DNAH14: variants seen among roughly 807,000 people sequenced by gnomAD.
DNAH14 encodes the protein dynein axonemal heavy chain 14.
In DNAH14, 478 loss-of-function variants were observed where a neutral mutation model predicts 520.9. The observed-to-expected ratio is 0.92, with a 90% CI of 0.85 to 0.99. DNAH14 has a LOEUF of 0.99. Among genes scored for constraint, DNAH14 ranks in the 50% least tolerant of loss-of-function variants. The probability of loss-of-function intolerance (pLI) is 0.00; values close to 1 mark genes in which losing one functional copy is unlikely to be tolerated. For missense variants in DNAH14, 4,831 were observed against 5,234.5 expected, an observed-to-expected ratio of 0.92 and a Z score of 2.38; for synonymous variants, 1,581 against 1,757.2, an observed-to-expected ratio of 0.90 and a Z score of 2.51.
At chr1:225,017,475 G>A (rs1394805589) in intron 10 of DNAH14, among the ~76,000 whole-genome samples, 1 of 152,312 alleles carries the variant, frequency 6.6e-6, no homozygotes, top group East Asian at 1.9e-4. Flanking sequence ...TTTGCTGGCA[G>A]CCCCCTGCCA....
chr1:225,062,391 A>G (rs971095740), intron 17 of DNAH14, among the ~76,000 whole-genome samples: 2 of 152,188 alleles, frequency 1.3e-5, no homozygotes, highest in African/African-American at 4.8e-5. Flanking sequence ...GTACAGGATT[A>G]TGATTCTTGA....
Position 225,020,496 on chromosome 1 carries a change from C to CAAAAAAAA in DNAH14, c.1108-3106_1108-3099dup, listed in dbSNP as rs57945282. Among the ~76,000 whole-genome samples, 8 of 57,528 alleles carry CAAAAAAAA rather than the reference C, an allele frequency of 1.4e-4. 1 individual carries two copies. The highest frequency in any genetic ancestry group is 1.5e-3 in the East Asian group (2 of 1,356). 37.7% of individuals were successfully genotyped at this position (57,528 alleles called of 152,430 possible). On this transcript the variant is annotated intron_variant, in intron 10 of 85. Coordinates refer to ENST00000682510, the MANE Select transcript of DNAH14 (RefSeq NM_001367479.1). ...TGGGTGACAGAGCAAGGCTCTGTCT[C>CAAAAAAAA]AAAAAAAAAAAAAAAAAAAACAACT...
rs781717749 is a variant in DNAH14 at position 225,178,011 on chromosome 1, C to T, written c.5536-7280C>T. 2.7e-4 allele frequency among the ~76,000 whole-genome samples: 41 copies of T among 152,164 alleles called. 1 individual carries two copies. Among genetic ancestry groups the T allele is most frequent in the Admixed American group, 2.3e-3 (35 of 15,280 alleles). On this transcript the variant is annotated intron_variant, in intron 36 of 85. Coordinates refer to ENST00000682510, the MANE Select transcript of DNAH14 (RefSeq NM_001367479.1). ...GAAAACAGCCAGAAAAGAGGCTGTACCCTGCAAAGCCACAGGGGCAGAGCT... is the reference window on the plus strand; with the variant it reads ...GAAAACAGCCAGAAAAGAGGCTGTATCCTGCAAAGCCACAGGGGCAGAGCT...
chr1:225,219,748 A>AT (rs1384090710), intron 41 of DNAH14, among the ~76,000 whole-genome samples: 5 of 152,184 alleles, frequency 3.3e-5, no homozygotes, highest in East Asian at 1.9e-4. Context: ...AGCTAGAACC[A>AT]TTTTTTTCTG....
chr1:225,025,565 C>T (rs1421031954), intron 11 of DNAH14, among the ~76,000 whole-genome samples: 4 of 151,188 alleles, frequency 2.6e-5, no homozygotes, highest in African/African-American at 7.3e-5. Context: ...AACCCCATCT[C>T]TACAAAAACA....
chr1:225,266,758 A>C lies in DNAH14; in HGVS notation c.7528A>C (p.Asn2510His), dbSNP rs1380981195. ...GGGAGGAGTTTATGATACTGAAAAA[A>C]ATACATGGAAGGTACAGTATATACT... ...DLGGVYDTEK[N>H]TWKNIQDLSI... is the part of the protein sequence containing the mutation. The change falls in exon 49 of 86, where the codon AAT (asparagine) becomes CAT (histidine). Residue 2510 changes from asparagine to histidine, a missense_variant. Coordinates refer to ENST00000682510, the MANE Select transcript of DNAH14 (RefSeq NM_001367479.1). 70 of 1,510,136 alleles carry C rather than the reference A, an allele frequency of 4.6e-5. No homozygotes were observed. The highest frequency in any genetic ancestry group is 5.5e-5 in the Non-Finnish European group (62 of 1,133,948). 93.5% of individuals were successfully genotyped at this position (1,510,136 alleles called of 1,614,324 possible). A position where few individuals can be genotyped will look rare whatever the true frequency, so the allele number is the denominator to read the frequency against.
At chr1:225,393,480 A>G (rs539137250) in intron 84 of DNAH14, among the ~76,000 whole-genome samples, 27 of 152,332 alleles carry the variant, frequency 1.8e-4, no homozygotes, top group African/African-American at 5.8e-4. Flanking sequence ...ACACATCTAT[A>G]CATAGAAATG....
Position 225,337,439 on chromosome 1 carries a change from C to T in DNAH14, c.10254C>T (p.Ser3418=), listed in dbSNP as rs1375846859. ...SRLQKLSIED[S]NYTKKIENAM... ...TGCAGAAGCTCTCCATTGAAGACAGCAATTATACCAAAAAAATTGAAAATG... is the reference window on the plus strand; with the variant it reads ...TGCAGAAGCTCTCCATTGAAGACAGTAATTATACCAAAAAAATTGAAAATG... Residue 3418 remains serine (S), a synonymous_variant, in exon 67 of 86, where the codon AGC becomes AGT. Transcript: ENST00000682510. 1 of 1,551,686 alleles carries T rather than the reference C, an allele frequency of 6.4e-7. No individual in the cohort carries two copies. The highest frequency in any genetic ancestry group is 1.2e-5 in the South Asian group (1 of 84,044).
At chr1:225,373,172 G>GAAAAAAAAAAAA (rs3075885) in intron 77 of DNAH14, among the ~76,000 whole-genome samples, 2 of 135,772 alleles carry the variant, frequency 1.5e-5, no homozygotes, top group Non-Finnish European at 3.1e-5. Context: ...AGCATTTGTG[G>GAAAAAAAAAAAA]AAAAAAAAAA....
chr1:225,226,727 CA>C (rs939965243), intron 41 of DNAH14, among the ~76,000 whole-genome samples: 6 of 152,148 alleles, frequency 3.9e-5, no homozygotes, highest in African/African-American at 7.2e-5. Flanking sequence ...GACCGGCGCT[CA>C]GCAAGTGAGG....
chr1:225,050,228 G>A lies in DNAH14; in HGVS notation c.1931G>A (p.Cys644Tyr). The change falls in exon 16 of 86, where the codon TGC becomes TAC. Residue 644 changes from cysteine (C) to tyrosine (Y), a missense_variant. By Grantham distance (194) the Cys-to-Tyr change is radical (BLOSUM62 -2). Coordinates refer to ENST00000682510, the MANE Select transcript of DNAH14 (RefSeq NM_001367479.1). ...ATTTTAGCCACAATTACTCCTCTTT[G>A]CCAAGATCCCCAGCTGTCTATCTTC... ...EKCITTITPL[C>Y]QDPQLSIFID... is the part of the protein sequence containing the mutation. The A allele has an allele frequency of 1.3e-6, 2 of 1,537,238 alleles. No individual in the cohort carries two copies. The highest frequency in any genetic ancestry group is 1.3e-5 in the South Asian group (1 of 79,386).
Position 225,228,590 on chromosome 1 carries a change from G to A in DNAH14, c.6440-2483G>A, listed in dbSNP as rs368705514. On this transcript the variant is annotated intron_variant, in intron 41 of 85. Transcript: ENST00000682510. ...ATGATGTGCAAGGACATCTCTCCTGGATAGACCCCCCACTCCTGGGGGGGG... is the reference window on the plus strand; with the variant it reads ...ATGATGTGCAAGGACATCTCTCCTGAATAGACCCCCCACTCCTGGGGGGGG... Among the ~76,000 whole-genome samples, 15 of 147,278 alleles carry A rather than the reference G, an allele frequency of 1.0e-4. No homozygotes were observed. The East Asian group carries it at 1.4e-3, about 14-fold the overall frequency.
chr1:225,182,654 G>C (rs975105895), intron 36 of DNAH14, among the ~76,000 whole-genome samples: 1 of 152,118 alleles, frequency 6.6e-6, no homozygotes, highest in African/African-American at 2.4e-5. Context: ...GAAAGATTCT[G>C]TCCACTTGAG....
At chr1:225,188,339 G>C (rs79892767) in intron 37 of DNAH14, among the ~76,000 whole-genome samples, 7,383 of 151,936 alleles carry the variant, frequency 0.049, 282 homozygotes, top group Non-Finnish European at 0.072. Context: ...ATCACAAGAA[G>C]AGTGAGTACA....
At chr1:225,089,089 T>C (rs1280887576) in intron 21 of DNAH14, among the ~76,000 whole-genome samples, 2 of 152,034 alleles carry the variant, frequency 1.3e-5, no homozygotes, top group Non-Finnish European at 2.9e-5. Context: ...GAGAAAGGAA[T>C]CCTCCCTAAC....
rs981337241 is a variant in DNAH14, at chr1:225,353,863, T to C, written c.11594T>C (p.Leu3865Pro). 4 of 1,499,268 alleles carry C rather than the reference T, an allele frequency of 2.7e-6. No homozygotes were observed. The African/African-American group carries it at 4.2e-5, about 16-fold the overall frequency. 92.9% of individuals were successfully genotyped at this position (1,499,268 alleles called of 1,614,324 possible). The change falls in exon 73 of 86, where the codon CTC becomes CCC. Residue 3865 changes from leucine to proline, a missense_variant. Leu to Pro is a moderately conservative substitution (Grantham distance 98). Coordinates refer to ENST00000682510, the MANE Select transcript of DNAH14 (RefSeq NM_001367479.1). ...CNPINFPWEK[L>P]TSFQRLILVK... is the part of the protein sequence containing the mutation. ...CCTATAAATTTTCCCTGGGAGAAAC[T>C]CACTTCATTTCAAAGACTTATTTTG... is the stretch of plus-strand genomic sequence containing the variant.
chr1:225,393,820 T>TTTG (rs1558623230), intron 84 of DNAH14, among the ~76,000 whole-genome samples: 80 of 146,784 alleles, frequency 5.5e-4, no homozygotes, highest in African/African-American at 1.7e-3. Flanking sequence ...TTTTGTTTTT[T>TTTG]TTTTGTTTTT....
intron 84 of DNAH14, among the ~76,000 whole-genome samples, chr1:225,394,920 A>G (rs545671569): frequency 1.1e-4 from 17 of 151,748 alleles, no homozygotes; most frequent in African/African-American, 4.1e-4. Context: ...CCATATGGGT[A>G]CCCACCTGAC....
chr1:225,086,326 G>A (rs2073794052), intron 21 of DNAH14, among the ~76,000 whole-genome samples: 1 of 151,656 alleles, frequency 6.6e-6, no homozygotes, highest in Admixed American at 6.6e-5. Context: ...AGTAGAGACG[G>A]GATTTCACTG....
Sources: allele counts gnomAD v4.1 joint callset (sites outside exome capture counted in the v4.1 genomes callset), GRCh38; gene constraint gnomAD v4.1.1; transcripts MANE v1.5; gene names NCBI Gene and HGNC (gene_info 2026-07-23, HGNC 2026-07-21).